Variants in GAREM1 observed in about 807,000 individuals in gnomAD.
GAREM1 encodes the protein GRB2 associated regulator of MAPK1 subtype 1, also known as GRB2-associated and regulator of MAPK protein 1.
In GAREM1, 26 loss-of-function variants were observed where a neutral mutation model predicts 71.3. The observed-to-expected ratio is 0.36, with a 90% confidence interval of 0.27 to 0.51. The LOEUF (loss-of-function observed/expected upper bound fraction) is 0.51. Among genes scored for constraint, GAREM1 ranks in the 20% least tolerant of loss-of-function variants. The pLI, the probability that GAREM1 is intolerant of heterozygous loss-of-function variation, is 0.95. For synonymous variants in GAREM1, 440 were observed against 433.2 expected, an observed-to-expected ratio of 1.02 and a Z score of -0.20; for missense variants, 1,026 against 1,103.1, an observed-to-expected ratio of 0.93 and a Z score of 0.99.
rs149504185 is a variant in GAREM1 at position 32,270,665 on chromosome 18, C to A, written c.1567-282G>T. Among the ~76,000 whole-genome samples, 12 of 152,178 alleles carry A rather than the reference C, an allele frequency of 7.9e-5. No homozygotes were observed. The East Asian group carries it at 2.3e-3, about 29-fold the overall frequency. ...GAAATATAGAAAGTAATATGAAATA[C>A]GGCAAGTTAAAGTGTCTATGGTTAA... On this transcript the variant is annotated intron_variant, in intron 4 of 5. Coordinates refer to ENST00000269209, the MANE Select transcript of GAREM1 (RefSeq NM_001242409.2).
chr18:32,341,788 G>A (rs2047650191), intron 2 of GAREM1, among the ~76,000 whole-genome samples: 1 of 152,174 alleles, frequency 6.6e-6, no homozygotes, highest in Non-Finnish European at 1.5e-5. Context: ...TTTAAGGGCA[G>A]AATGTAATCC....
chr18:32,345,062 G>A (rs185135363), intron 2 of GAREM1, among the ~76,000 whole-genome samples: 3 of 151,714 alleles, frequency 2.0e-5, no homozygotes, highest in Admixed American at 1.3e-4. Context: ...ACTCAGTCTC[G>A]AAAAAAACAA....
chr18:32,400,804 C>G (rs1291636911), intron 1 of GAREM1, among the ~76,000 whole-genome samples: 1 of 152,146 alleles, frequency 6.6e-6, no homozygotes, highest in East Asian at 1.9e-4. Flanking sequence ...TACCATTTGA[C>G]CCAGCCATCT....
chr18:32,352,759 A>T (rs1211515172), intron 2 of GAREM1, among the ~76,000 whole-genome samples: 1 of 152,162 alleles, frequency 6.6e-6, no homozygotes, highest in Admixed American at 6.5e-5. Context: ...TTATGAGAGA[A>T]GGAAAGAATC....
At chr18:32,364,916 TTA>T (rs2144617762) in intron 2 of GAREM1, among the ~76,000 whole-genome samples, 1 of 151,472 alleles carries the variant, frequency 6.6e-6, no homozygotes, top group African/African-American at 2.4e-5. Context: ...ATCAAACACT[TTA>T]TGTGTATTAT....
In GAREM1 at chr18:32,268,635, G is replaced by A. The variant is rs1400097689; in HGVS notation, c.1867C>T (p.Arg623Trp). Residue 623 changes from arginine to tryptophan, a missense_variant, in exon 6 of 6, where the codon CGG becomes TGG. Physicochemically the swap from Arg to Trp is moderately radical, Grantham distance 101 (BLOSUM62 -3). This residue lies in a region of GAREM1 where 636 missense variants were observed against 631.2 expected (regional missense o/e 1.01). Coordinates refer to ENST00000269209, the MANE Select transcript of GAREM1 (RefSeq NM_001242409.2). Reference protein sequence around the residue: ...GSPSAEAVSSRLSWPNHYSGA... With the variant: ...GSPSAEAVSSWLSWPNHYSGA... The stretch of plus-strand genomic sequence containing the variant: ...GAATAATGGTTAGGCCATGAGAGCC[G>A]AGAGGACACAGCTTCAGCAGAAGGA... 4 of 1,614,048 alleles carry A rather than the reference G, an allele frequency of 2.5e-6. No individual in the cohort carries two copies. Among genetic ancestry groups the A allele is most frequent in the Admixed American group, 1.7e-5 (1 of 60,006 alleles).
At chr18:32,321,583 TC>T (rs2047429195) in intron 2 of GAREM1, among the ~76,000 whole-genome samples, 1 of 152,156 alleles carries the variant, frequency 6.6e-6, no homozygotes, top group South Asian at 2.1e-4. Flanking sequence ...CACAAAAATC[TC>T]AATATCAAAA....
intron 2 of GAREM1, among the ~76,000 whole-genome samples, chr18:32,352,616 CAG>C (rs1454777959): frequency 1.3e-5 from 2 of 152,008 alleles, no homozygotes; most frequent in Non-Finnish European, 2.9e-5. Flanking sequence ...AAAGAGGGGA[CAG>C]GGGGTTTAGG....
At chr18:32,269,308 G>T (rs572238993) in intron 5 of GAREM1, among the ~76,000 whole-genome samples, 1 of 152,180 alleles carries the variant, frequency 6.6e-6, no homozygotes, top group African/African-American at 2.4e-5. Context: ...TAACATTAGC[G>T]CAAAGATTTA....
intron 3 of GAREM1, among the ~76,000 whole-genome samples, chr18:32,292,723 C>T (rs1209201056): frequency 2.0e-5 from 3 of 152,168 alleles, no homozygotes; most frequent in African/African-American, 4.8e-5. Context: ...TTTCCAGAGG[C>T]CTCCCCAGCC....
intron 1 of GAREM1, among the ~76,000 whole-genome samples, chr18:32,399,799 C>T (rs942291503): frequency 1.3e-5 from 2 of 152,166 alleles, no homozygotes; most frequent in African/African-American, 4.8e-5. Flanking sequence ...CAATGACTTT[C>T]TTCACAGAAT....
intron 4 of GAREM1, among the ~76,000 whole-genome samples, chr18:32,281,381 T>C (rs1292763764): frequency 6.6e-6 from 1 of 152,142 alleles, no homozygotes; most frequent in Non-Finnish European, 1.5e-5. Context: ...AAGTCCCATT[T>C]TTCTCAAACA....
intron 1 of GAREM1, among the ~76,000 whole-genome samples, chr18:32,419,616 G>A (rs1456933491): frequency 1.3e-5 from 2 of 152,116 alleles, no homozygotes; most frequent in African/African-American, 2.4e-5. Flanking sequence ...CTGGTCTATG[G>A]CACTTTGTTA....
At chr18:32,404,797 G>A (rs946720491) in intron 1 of GAREM1, among the ~76,000 whole-genome samples, 5 of 152,070 alleles carry the variant, frequency 3.3e-5, no homozygotes, top group African/African-American at 1.2e-4. Context: ...GTCTATAGTG[G>A]ACATTTAAAT....
intron 2 of GAREM1, among the ~76,000 whole-genome samples, chr18:32,311,235 A>G (rs1392168894): frequency 6.6e-6 from 1 of 152,240 alleles, no homozygotes; most frequent in East Asian, 1.9e-4. Flanking sequence ...GTTTCTTAGT[A>G]GTTATTTTCT....
At chr18:32,465,583 C>G (rs911339087) in intron 1 of GAREM1, among the ~76,000 whole-genome samples, 3 of 152,150 alleles carry the variant, frequency 2.0e-5, no homozygotes, top group Non-Finnish European at 4.4e-5. Flanking sequence ...TTTTTCTTCC[C>G]TCTCCCTGCC....
At chr18:32,381,181 A>G (rs1453958388) in intron 2 of GAREM1, among the ~76,000 whole-genome samples, 1 of 151,978 alleles carries the variant, frequency 6.6e-6, no homozygotes, top group East Asian at 1.9e-4. Flanking sequence ...CCTATCTCTT[A>G]CATATCTGGC....
chr18:32,307,209 T>C (rs554570033), intron 3 of GAREM1, among the ~76,000 whole-genome samples: 20 of 152,336 alleles, frequency 1.3e-4, no homozygotes, highest in Non-Finnish European at 2.9e-4. Flanking sequence ...ATATGTATAT[T>C]TATTTCTAAT....
chr18:32,467,382 C>A (rs895284932), intron 1 of GAREM1, among the ~76,000 whole-genome samples: 1 of 152,140 alleles, frequency 6.6e-6, no homozygotes, highest in African/African-American at 2.4e-5. Context: ...TCCTTTAGTA[C>A]CAGGAGGTAG....
Sources: allele counts gnomAD v4.1 joint callset (sites outside exome capture counted in the v4.1 genomes callset), GRCh38; gene constraint gnomAD v4.1.1; regional missense constraint gnomAD v4.1.1; transcripts MANE v1.5; gene names NCBI Gene and HGNC (gene_info 2026-07-23, HGNC 2026-07-21).